Variants in STAG1 observed in about 807,000 individuals in gnomAD.
STAG1 encodes STAG1 cohesin complex component, also known as cohesin subunit SA-1.
In STAG1, 26 loss-of-function variants were observed where a neutral mutation model predicts 170.9. The observed-to-expected ratio is 0.15, with a 90% CI of 0.11 to 0.21. The LOEUF (loss-of-function observed/expected upper bound fraction) is 0.21, where lower values mean the gene tolerates loss of function less well. Ranked by LOEUF, STAG1 falls within the 10% of genes least tolerant of loss-of-function variation. The probability of loss-of-function intolerance (pLI) is 1.00; values close to 1 mark genes in which losing one functional copy is unlikely to be tolerated. For synonymous variants in STAG1, 514 were observed against 497.7 expected, an observed-to-expected ratio of 1.03 and a Z score of -0.44; for missense variants, 964 against 1,509.5, an observed-to-expected ratio of 0.64 and a Z score of 5.99.
At chr3:136,518,293 C>T (rs893325288) in intron 7 of STAG1, 28 of 642,428 alleles carry the variant, frequency 4.4e-5, no homozygotes, top group South Asian at 1.1e-4. Flanking sequence ...TGTCAAGGAG[C>T]ATTTTATTCC....
chr3:136,655,520 T>G (rs1008951981), intron 1 of STAG1, among the ~76,000 whole-genome samples: 2 of 152,196 alleles, frequency 1.3e-5, no homozygotes, highest in African/African-American at 2.4e-5. Flanking sequence ...TCCCAGCACT[T>G]TGGAGGCCAA....
In STAG1 at chr3:136,623,213, G is replaced by C. The variant is rs759743507; in HGVS notation, c.65C>G (p.Ala22Gly). ...CTCTGTTTCTTCAAGCTCGCTGCCA[G>C]CATCGGAATGGGCAGTAGTTTCATT... ...STNETTAHSD[A>G]GSELEETEVK... Residue 22 changes from alanine (A) to glycine (G), a missense_variant, in exon 3 of 34, where the codon GCT becomes GGT. Ala to Gly is a moderately conservative substitution (Grantham distance 60). Around this residue, in one of 11 missense-constraint regions of STAG1, gnomAD observed 108 missense variants for 120.2 expected, o/e 0.90. Coordinates refer to ENST00000383202, the MANE Select transcript of STAG1 (RefSeq NM_005862.3). The C allele has an allele frequency of 9.3e-6, 15 of 1,613,486 alleles. No individual in the cohort carries two copies. The highest frequency in any genetic ancestry group is 8.5e-7 in the Non-Finnish European group (1 of 1,179,670).
intron 4 of STAG1, chr3:136,586,954 A>T (rs1295026712): frequency 2.2e-6 from 1 of 453,756 alleles, no homozygotes; most frequent in Non-Finnish European, 4.4e-6. Flanking sequence ...CAGAAAATGG[A>T]GGGGCTTAGA....
At chr3:136,565,412 A>T (rs950242610) in intron 5 of STAG1, among the ~76,000 whole-genome samples, 4 of 152,238 alleles carry the variant, frequency 2.6e-5, no homozygotes, top group Admixed American at 1.3e-4. Flanking sequence ...ATGTCCAACA[A>T]GCACATGAAA....
chr3:136,445,267 T>G (rs1276001624), intron 14 of STAG1, among the ~76,000 whole-genome samples: 1 of 152,096 alleles, frequency 6.6e-6, no homozygotes, highest in Non-Finnish European at 1.5e-5. Flanking sequence ...TCTTCAAACT[T>G]TCCTAATTCG....
chr3:136,343,794 A>G (rs376741662), intron 30 of STAG1, 38 bp downstream of exon 30: 1 of 1,474,716 alleles, frequency 6.8e-7, no homozygotes, highest in Non-Finnish European at 9.1e-7. Context: ...ACTTTCTTTA[A>G]AGGCTTTTTG....
intron 1 of STAG1, among the ~76,000 whole-genome samples, chr3:136,705,249 G>A (rs1056051536): frequency 1.2e-4 from 19 of 152,154 alleles, no homozygotes; most frequent in African/African-American, 3.1e-4. Context: ...GGTGGCATGC[G>A]CCTATAATCC....
intron 1 of STAG1, among the ~76,000 whole-genome samples, chr3:136,731,316 G>A (rs901004156): frequency 6.6e-6 from 1 of 151,704 alleles, no homozygotes; most frequent in Non-Finnish European, 1.5e-5. Flanking sequence ...GGAATACACA[G>A]GTTCTTTTGT....
At chr3:136,649,520 A>G (rs914258169) in intron 1 of STAG1, among the ~76,000 whole-genome samples, 26 of 151,614 alleles carry the variant, frequency 1.7e-4, no homozygotes, top group African/African-American at 6.3e-4. Flanking sequence ...AAAAAAAAAA[A>G]AAGAAAGGGT....
chr3:136,503,036 AT>A (rs1341598565), intron 7 of STAG1, among the ~76,000 whole-genome samples: 2 of 152,160 alleles, frequency 1.3e-5, no homozygotes, highest in Non-Finnish European at 2.9e-5. Context: ...AGAAGAAAGG[AT>A]TTCAGTTCTA....
rs112104798 is a variant in STAG1 at position 136,452,939 on chromosome 3, G to A, written c.1314-792C>T. Among the ~76,000 whole-genome samples, 242 of 152,188 alleles carry A rather than the reference G, an allele frequency of 1.6e-3. 1 individual carries two copies. Among genetic ancestry groups the A allele is most frequent in the African/African-American group, 5.6e-3 (234 of 41,516 alleles). The stretch of plus-strand genomic sequence containing the variant: ...CAAGTAGCTGAAATTACAGGTGCCT[G>A]CCACTATGCTGGGCTAATTTTTGTA... On this transcript the variant is annotated intron_variant, in intron 13 of 33. Transcript: ENST00000383202.
At chr3:136,568,964 CGAGAAA>C (rs1937172711) in intron 4 of STAG1, 103 bp from the exon 5 acceptor site, 1 of 748,088 alleles carries the variant, frequency 1.3e-6, no homozygotes, top group Non-Finnish European at 2.2e-6. Context: ...TCTATCTGAA[CGAGAAA>C]ATTACTTACC....
At position 136,545,852 on chromosome 3, in the gene STAG1, A is replaced by G. The variant is rs182930004; in HGVS notation, c.395-3657T>C. ...GTCTCTAGATGGCAGCCTTCACTTT[A>G]TAACAGTCCTTGTGGGGGAGGAAAA... On this transcript the variant is annotated intron_variant, in intron 5 of 33. Coordinates refer to ENST00000383202, the MANE Select transcript of STAG1 (RefSeq NM_005862.3). Among the ~76,000 whole-genome samples, 9 of 152,270 alleles carry G rather than the reference A, an allele frequency of 5.9e-5. No individual in the cohort carries two copies. In the East Asian group the frequency reaches 1.7e-3, roughly 29 times the overall value.
chr3:136,398,448 C>G (rs111917378), intron 22 of STAG1, among the ~76,000 whole-genome samples: 7 of 152,094 alleles, frequency 4.6e-5, no homozygotes, highest in African/African-American at 1.4e-4. Flanking sequence ...AGCATGTTAC[C>G]TATCAGAGCT....
At chr3:136,734,096 G>C (rs1413502976) in intron 1 of STAG1, among the ~76,000 whole-genome samples, 2 of 140,082 alleles carry the variant, frequency 1.4e-5, no homozygotes, top group Non-Finnish European at 3.1e-5. Context: ...GACAGTGCGA[G>C]AGACTCCATC....
intron 4 of STAG1, among the ~76,000 whole-genome samples, chr3:136,588,651 T>A (rs1937971984): frequency 6.6e-6 from 1 of 152,062 alleles, no homozygotes; most frequent in Non-Finnish European, 1.5e-5. Context: ...TATTTTTTTT[T>A]TTGTCTCCCT....
intron 21 of STAG1, among the ~76,000 whole-genome samples, chr3:136,415,529 G>C (rs1354494364): frequency 1.3e-5 from 2 of 152,156 alleles, no homozygotes; most frequent in African/African-American, 4.8e-5. Flanking sequence ...AAGTGAGCTT[G>C]CATGGTTGTA....
intron 1 of STAG1, among the ~76,000 whole-genome samples, chr3:136,744,162 T>C (rs188731207): frequency 6.2e-4 from 95 of 152,306 alleles, no homozygotes; most frequent in African/African-American, 2.2e-3. Flanking sequence ...ACCCCGTCTC[T>C]ACTAAAAATA....
intron 4 of STAG1, chr3:136,591,631 G>A: frequency 3.5e-6 from 1 of 282,898 alleles, no homozygotes; most frequent in Non-Finnish European, 7.0e-6. Flanking sequence ...AAGAAATATG[G>A]CTATTGTGCA....
Sources: allele counts gnomAD v4.1 joint callset (sites outside exome capture counted in the v4.1 genomes callset), GRCh38; gene constraint gnomAD v4.1.1; regional missense constraint gnomAD v4.1.1; transcripts MANE v1.5; gene names NCBI Gene and HGNC (gene_info 2026-07-23, HGNC 2026-07-21).